The following NELL1 variants were observed in gnomAD, a reference collection of about 807,000 sequenced individuals.
The protein encoded by NELL1 is neural EGFL like 1.
NELL1 carries 76 observed loss-of-function variants against 107.4 expected under a neutral mutation model. The observed-to-expected ratio is 0.71, with a 90% confidence interval of 0.59 to 0.86. NELL1 has a LOEUF of 0.86. Ranked by LOEUF, NELL1 falls within the 40% of genes least tolerant of loss-of-function variation. The pLI, the probability that NELL1 is intolerant of heterozygous loss-of-function variation, is 0.00. For synonymous variants in NELL1, 353 were observed against 341.2 expected, an observed-to-expected ratio of 1.03 and a Z score of -0.38; for missense variants, 1,024 against 1,005.5, an observed-to-expected ratio of 1.02 and a Z score of -0.25.
chr11:21,075,048 G>A (rs2134385142), intron 12 of NELL1, among the ~76,000 whole-genome samples: 1 of 152,200 alleles, frequency 6.6e-6, no homozygotes, highest in East Asian at 1.9e-4. Flanking sequence ...GACACCTGTG[G>A]GCTCACTTCC....
intron 15 of NELL1, among the ~76,000 whole-genome samples, chr11:21,414,125 T>C (rs1335875657): frequency 6.6e-6 from 1 of 152,026 alleles, no homozygotes; most frequent in African/African-American, 2.4e-5. Context: ...TAATTACATG[T>C]CTAATGAGCT....
chr11:20,794,578 G>T (rs1857135090), intron 3 of NELL1, among the ~76,000 whole-genome samples: 1 of 152,104 alleles, frequency 6.6e-6, no homozygotes, highest in African/African-American at 2.4e-5. Flanking sequence ...AGGCTGAATT[G>T]ATAATACCTG....
At chr11:21,353,776 G>A (rs145460676) in intron 14 of NELL1, among the ~76,000 whole-genome samples, 1 of 152,280 alleles carries the variant, frequency 6.6e-6, no homozygotes, top group East Asian at 1.9e-4. Context: ...TTCTAAAAAT[G>A]ATAATTAATA....
intron 12 of NELL1, among the ~76,000 whole-genome samples, chr11:21,044,574 T>A (rs575824842): frequency 6.6e-6 from 1 of 152,214 alleles, no homozygotes; most frequent in African/African-American, 2.4e-5. Context: ...TATAAGTGAA[T>A]GGGAAAGATC....
intron 2 of NELL1, among the ~76,000 whole-genome samples, chr11:20,680,462 A>G (rs1854163127): frequency 6.6e-6 from 1 of 152,150 alleles, no homozygotes; most frequent in Non-Finnish European, 1.5e-5. Flanking sequence ...AGTGGGTATA[A>G]TCCATTTTGG....
At chr11:21,213,311 C>T (rs1857542872) in intron 13 of NELL1, among the ~76,000 whole-genome samples, 1 of 152,030 alleles carries the variant, frequency 6.6e-6, no homozygotes, top group African/African-American at 2.4e-5. Context: ...ATAAGTTGAT[C>T]TGTAAAGTTT....
At chr11:20,921,144 A>G (rs1322979736) in intron 7 of NELL1, among the ~76,000 whole-genome samples, 2 of 152,114 alleles carry the variant, frequency 1.3e-5, no homozygotes, top group African/African-American at 4.8e-5. Context: ...TAAGTATAAT[A>G]ATTTAAATTA....
intron 12 of NELL1, among the ~76,000 whole-genome samples, chr11:21,050,320 A>C (rs893254495): frequency 2.6e-5 from 4 of 152,120 alleles, no homozygotes; most frequent in African/African-American, 9.7e-5. Context: ...TAAACTAATA[A>C]TTTTAATCAG....
intron 13 of NELL1, among the ~76,000 whole-genome samples, chr11:21,225,224 G>A (rs182239898): frequency 6.6e-6 from 1 of 152,112 alleles, no homozygotes; most frequent in Non-Finnish European, 1.5e-5. Context: ...CTCTTAAAAT[G>A]GTATTGTGCT....
At chr11:21,101,132 T>C (rs1489255760) in intron 12 of NELL1, among the ~76,000 whole-genome samples, 1 of 152,150 alleles carries the variant, frequency 6.6e-6, no homozygotes, top group Non-Finnish European at 1.5e-5. Context: ...AATGATGGTT[T>C]CCAGCTTCAT....
chr11:21,419,140 G>T (rs1369895323), intron 15 of NELL1, among the ~76,000 whole-genome samples: 1 of 152,074 alleles, frequency 6.6e-6, no homozygotes, highest in Non-Finnish European at 1.5e-5. Flanking sequence ...ACACTGCTCT[G>T]TAATGCACGA....
chr11:21,476,860 G>A (rs7932648), intron 15 of NELL1, among the ~76,000 whole-genome samples: 52,831 of 151,974 alleles, frequency 0.35, 10,213 homozygotes, highest in East Asian at 0.44. Flanking sequence ...ACAGCAGCAG[G>A]CAACACTAGG....
chr11:21,496,345 T>C (rs1854977855), intron 15 of NELL1, among the ~76,000 whole-genome samples: 1 of 151,792 alleles, frequency 6.6e-6, no homozygotes, highest in Non-Finnish European at 1.5e-5. Flanking sequence ...CATTTCTTAA[T>C]TATTCTTATA....
chr11:21,486,395 C>G (rs994035359), intron 15 of NELL1, among the ~76,000 whole-genome samples: 2 of 152,190 alleles, frequency 1.3e-5, no homozygotes, highest in Non-Finnish European at 2.9e-5. Flanking sequence ...GGAAATCATA[C>G]AAAGACTGAA....
chr11:21,549,182 T>A (rs1856515858), intron 16 of NELL1, among the ~76,000 whole-genome samples: 1 of 151,894 alleles, frequency 6.6e-6, no homozygotes, highest in South Asian at 2.1e-4. Context: ...TTTAAGTGAC[T>A]CTCAGTTTGG....
At chr11:20,694,211 T>C (rs966724821) in intron 2 of NELL1, among the ~76,000 whole-genome samples, 1 of 152,136 alleles carries the variant, frequency 6.6e-6, no homozygotes, top group Non-Finnish European at 1.5e-5. Context: ...AGTTTTCAAC[T>C]TCTTTGCCTT....
At chr11:21,489,406 A>C (rs1276851920) in intron 15 of NELL1, among the ~76,000 whole-genome samples, 1 of 146,410 alleles carries the variant, frequency 6.8e-6, no homozygotes, top group Non-Finnish European at 1.5e-5. Context: ...AAAAAAAAAA[A>C]AACAGAAGAA....
chr11:20,970,364 T>C (rs984163542), intron 12 of NELL1, among the ~76,000 whole-genome samples: 6 of 152,084 alleles, frequency 3.9e-5, no homozygotes, highest in Non-Finnish European at 7.4e-5. Context: ...ATTGACCATC[T>C]ATTGTGGCTG....
At chr11:21,015,346 T>C (rs895407184) in intron 12 of NELL1, among the ~76,000 whole-genome samples, 1 of 152,100 alleles carries the variant, frequency 6.6e-6, no homozygotes, top group African/African-American at 2.4e-5. Flanking sequence ...AAATTATTGC[T>C]GTGATTACTT....
Sources: allele counts gnomAD v4.1 joint callset (sites outside exome capture counted in the v4.1 genomes callset), GRCh38; gene constraint gnomAD v4.1.1; transcripts MANE v1.5; gene names NCBI Gene and HGNC (gene_info 2026-07-23, HGNC 2026-07-21).